ASIC2: variants seen among roughly 807,000 people sequenced by gnomAD.
ASIC2 encodes the protein acid sensing ion channel subunit 2.
ASIC2 carries 25 observed loss-of-function variants against 57.3 expected under a neutral mutation model. That is an observed-to-expected ratio of 0.44 (90% confidence interval 0.32 to 0.61). The LOEUF is 0.61. Among genes scored for constraint, ASIC2 ranks in the 20% least tolerant of loss-of-function variants. ASIC2 has a pLI of 0.06. For synonymous variants in ASIC2, 319 were observed against 307.5 expected (o/e 1.04, Z -0.39); for missense variants, 641 against 738.1 (o/e 0.87, Z 1.52).
intron 1 of ASIC2, among the ~76,000 whole-genome samples, chr17:33,725,830 G>A (rs752315901): frequency 6.6e-6 from 1 of 151,662 alleles, no homozygotes; most frequent in African/African-American, 2.4e-5. Flanking sequence ...GTCTCTTGTG[G>A]CTCACAAACC....
chr17:33,273,413 C>T (rs1274691990), intron 1 of ASIC2, among the ~76,000 whole-genome samples: 1 of 152,122 alleles, frequency 6.6e-6, no homozygotes, highest in Non-Finnish European at 1.5e-5. Context: ...TACTCTCTGC[C>T]CAGGAACCCT....
intron 1 of ASIC2, among the ~76,000 whole-genome samples, chr17:33,874,121 C>G (rs187857618): frequency 6.6e-6 from 1 of 152,170 alleles, no homozygotes; most frequent in Non-Finnish European, 1.5e-5. Flanking sequence ...ACCCTTTCTC[C>G]TAGGATTCGG....
intron 6 of ASIC2, 61 bp downstream of exon 6, chr17:33,023,800 C>T: frequency 1.3e-6 from 2 of 1,598,912 alleles, no homozygotes; most frequent in Non-Finnish European, 8.6e-7. Context: ...CCTTGATTGC[C>T]TCCAATTTCC....
chr17:33,323,316 C>T (rs969521283), intron 1 of ASIC2, among the ~76,000 whole-genome samples: 7 of 152,126 alleles, frequency 4.6e-5, no homozygotes, highest in East Asian at 3.9e-4. Context: ...AAATAAATTG[C>T]GGTATAGTCA....
chr17:33,166,143 G>A (rs1905299491), intron 1 of ASIC2, among the ~76,000 whole-genome samples: 1 of 152,148 alleles, frequency 6.6e-6, no homozygotes, highest in Non-Finnish European at 1.5e-5. Flanking sequence ...TCAGGCACTT[G>A]TCTAAGTACT....
chr17:34,134,819 C>T (rs997261015), intron 1 of ASIC2, among the ~76,000 whole-genome samples: 4 of 152,212 alleles, frequency 2.6e-5, no homozygotes, highest in African/African-American at 7.2e-5. Flanking sequence ...AGGGAGCTCA[C>T]AGTCAAACTG....
intron 1 of ASIC2, among the ~76,000 whole-genome samples, chr17:33,463,588 C>T (rs112790483): frequency 3.5e-4 from 54 of 152,336 alleles, no homozygotes; most frequent in African/African-American, 1.3e-3. Flanking sequence ...AGGGGATTCC[C>T]TACTCCATGC....
chr17:33,597,385 C>T (rs1041357159), intron 1 of ASIC2, among the ~76,000 whole-genome samples: 2 of 152,214 alleles, frequency 1.3e-5, no homozygotes, highest in Admixed American at 1.3e-4. Context: ...TTAGCACATA[C>T]ATTTAACAGC....
At chr17:34,089,499 T>C (rs1433106115) in intron 1 of ASIC2, among the ~76,000 whole-genome samples, 2 of 152,174 alleles carry the variant, frequency 1.3e-5, no homozygotes, top group Non-Finnish European at 2.9e-5. Flanking sequence ...GCTATGGAAA[T>C]TGATGAGCCA....
At chr17:33,623,816 C>T (rs1052823872) in intron 1 of ASIC2, among the ~76,000 whole-genome samples, 2 of 151,982 alleles carry the variant, frequency 1.3e-5, no homozygotes, top group African/African-American at 2.4e-5. Context: ...CTGAGGCTCA[C>T]AATCCTAGAG....
rs558056781 is a variant in ASIC2, at chr17:33,102,390, A to C, written c.859+9527T>G. Among the ~76,000 whole-genome samples the C allele has an allele frequency of 5.2e-4, 79 of 152,276 alleles. 1 individual carries two copies. In the South Asian group the frequency reaches 0.016, roughly 31 times the overall value. On this transcript the variant is annotated intron_variant, in intron 2 of 9. Coordinates refer to ENST00000225823, the MANE Select transcript of ASIC2 (RefSeq NM_183377.2). The stretch of plus-strand genomic sequence containing the variant: ...GTATGTGACTATTTTTCTCTCCAGA[A>C]ACTTTAAAGATTTTTTTCTTTATTT...
chr17:33,522,655 A>G (rs1011906346), intron 1 of ASIC2, among the ~76,000 whole-genome samples: 5 of 152,180 alleles, frequency 3.3e-5, no homozygotes, highest in Non-Finnish European at 5.9e-5. Context: ...AGTTTCTTTC[A>G]TTGAGATTTT....
chr17:34,124,435 C>A (rs1395450197), intron 1 of ASIC2, among the ~76,000 whole-genome samples: 2 of 152,186 alleles, frequency 1.3e-5, no homozygotes, highest in African/African-American at 4.8e-5. Flanking sequence ...CTAAAACACA[C>A]ATATGGTGAT....
At chr17:33,325,410 G>A (rs1460811700) in intron 1 of ASIC2, among the ~76,000 whole-genome samples, 2 of 152,174 alleles carry the variant, frequency 1.3e-5, no homozygotes, top group Admixed American at 1.3e-4. Flanking sequence ...AAACATTCTA[G>A]GAAGAGAGGA....
At chr17:33,328,865 A>C (rs1411287021) in intron 1 of ASIC2, among the ~76,000 whole-genome samples, 2 of 152,242 alleles carry the variant, frequency 1.3e-5, no homozygotes, top group Non-Finnish European at 2.9e-5. Flanking sequence ...TATAAATTAA[A>C]TTAGTCTCCA....
At chr17:33,107,679 T>C (rs1597581045) in intron 2 of ASIC2, among the ~76,000 whole-genome samples, 1 of 152,354 alleles carries the variant, frequency 6.6e-6, no homozygotes, top group East Asian at 1.9e-4. Context: ...TCACTAACCA[T>C]GAGCCCATAG....
chr17:33,811,226 G>A (rs1006036906), intron 1 of ASIC2, among the ~76,000 whole-genome samples: 1 of 152,188 alleles, frequency 6.6e-6, no homozygotes, highest in Non-Finnish European at 1.5e-5. Flanking sequence ...CTCCTTCTCT[G>A]TGTCTATCAC....
At chr17:34,075,934 T>C (rs893112689) in intron 1 of ASIC2, among the ~76,000 whole-genome samples, 2 of 151,382 alleles carry the variant, frequency 1.3e-5, no homozygotes, top group Non-Finnish European at 2.9e-5. Flanking sequence ...GTTCAAGTGA[T>C]TGTCTTGCCT....
At chr17:33,769,550 C>T (rs1479299991) in intron 1 of ASIC2, among the ~76,000 whole-genome samples, 2 of 152,230 alleles carry the variant, frequency 1.3e-5, no homozygotes, top group Non-Finnish European at 2.9e-5. Flanking sequence ...GTTGTTCTTC[C>T]TTTCTGAAGG....
Sources: allele counts gnomAD v4.1 joint callset (sites outside exome capture counted in the v4.1 genomes callset), GRCh38; gene constraint gnomAD v4.1.1; transcripts MANE v1.5; gene names NCBI Gene and HGNC (gene_info 2026-07-23, HGNC 2026-07-21).